Variants in ZNF813 observed in about 807,000 individuals in gnomAD.
The protein encoded by ZNF813 is zinc finger protein 813.
ZNF813 carries 3 observed loss-of-function variants against 7.2 expected under a neutral mutation model. The ratio of observed to expected loss-of-function variants is 0.42; its 90% confidence interval spans 0.19 to 1.08. The LOEUF (loss-of-function observed/expected upper bound fraction) is 1.08. Ranked by LOEUF, ZNF813 falls within the 50% of genes least tolerant of loss-of-function variation. The pLI, the probability that ZNF813 is intolerant of heterozygous loss-of-function variation, is 0.30. For missense variants in ZNF813, 714 were observed against 753.3 expected (o/e 0.95, Z 0.61); for synonymous variants, 227 against 256.3 (o/e 0.89, Z 1.09).
At chr19:53,476,932 G>A (rs556304122) in intron 1 of ZNF813, among the ~76,000 whole-genome samples, 10 of 152,148 alleles carry the variant, frequency 6.6e-5, no homozygotes, top group Non-Finnish European at 1.5e-4. Context: ...AAAGTGCTGG[G>A]ATTACAGGCA....
rs1440871017 is a variant in ZNF813 at position 53,490,853 on chromosome 19, G to A, written c.621G>A (p.Glu207=). 1 of 1,614,150 alleles carries A rather than the reference G, an allele frequency of 6.2e-7. No homozygotes were observed. Among genetic ancestry groups the A allele is most frequent in the South Asian group, 1.1e-5 (1 of 91,082 alleles). The part of the protein sequence containing the change: ...RNSSLLTQKQ[E]VHMREKSFQC... ...CTTCGTTACTCACACAAAAACAGGA[G>A]GTACACATGAGAGAAAAGTCTTTCC... The change falls in exon 4 of 4, where the codon GAG becomes GAA. Residue 207 remains glutamate (E), a synonymous_variant. Coordinates refer to ENST00000396403, the MANE Select transcript of ZNF813 (RefSeq NM_001004301.4).
chr19:53,490,130 C>T (rs1268363922), intron 3 of ZNF813, among the ~76,000 whole-genome samples: 4 of 152,140 alleles, frequency 2.6e-5, no homozygotes, highest in Non-Finnish European at 5.9e-5. Flanking sequence ...TTACTTTAGG[C>T]TTATACACAT....
intron 2 of ZNF813, 133 bp from the exon 3 acceptor site, chr19:53,486,499 G>C: frequency 6.5e-7 from 1 of 1,540,538 alleles, no homozygotes; most frequent in Non-Finnish European, 8.8e-7. Context: ...ATGTGGTGAA[G>C]AACCCCTTAC....
chr19:53,471,919 A>G (rs1483646342), intron 1 of ZNF813, among the ~76,000 whole-genome samples: 1 of 152,012 alleles, frequency 6.6e-6, no homozygotes, highest in African/African-American at 2.4e-5. Context: ...TTGGTCTCCT[A>G]TGTTAGTCCT....
rs746837500 is a variant in ZNF813 at position 53,483,775 on chromosome 19, T to C, written c.-48T>C. The C allele has an allele frequency of 1.2e-5, 19 of 1,612,152 alleles. No individual in the cohort carries two copies. In the East Asian group the frequency reaches 1.8e-4, roughly 15 times the overall value. On this transcript the variant is annotated 5_prime_UTR_variant, in exon 2 of 4. The change abolishes an upstream ATG in the 5' untranslated region. Coordinates refer to ENST00000396403, the MANE Select transcript of ZNF813 (RefSeq NM_001004301.4). ...GATTGACTTCTAAAGACTCTTGGTA[T>C]GTGAGGAAGAAACCTGGAAGAGGAA...
chr19:53,484,981 C>T (rs963399524), intron 2 of ZNF813, among the ~76,000 whole-genome samples: 2 of 152,216 alleles, frequency 1.3e-5, no homozygotes, highest in African/African-American at 4.8e-5. Context: ...TATAAAGCAT[C>T]TCCTTTCCCT....
intron 1 of ZNF813, among the ~76,000 whole-genome samples, chr19:53,469,151 C>T (rs1270815739): frequency 6.6e-6 from 1 of 152,204 alleles, no homozygotes; most frequent in East Asian, 1.9e-4. Context: ...ATCCATTAAA[C>T]CTTGATTCAA....
At chr19:53,480,983 AT>A (rs1568830041) in intron 1 of ZNF813, among the ~76,000 whole-genome samples, 4 of 152,186 alleles carry the variant, frequency 2.6e-5, no homozygotes, top group Non-Finnish European at 5.9e-5. Context: ...AGCCCACACT[AT>A]TTATTGGTGA....
chr19:53,485,492 TG>T (rs1464840760), intron 2 of ZNF813, among the ~76,000 whole-genome samples: 7 of 152,212 alleles, frequency 4.6e-5, no homozygotes, highest in Non-Finnish European at 1.0e-4. Context: ...GACAACCCTT[TG>T]TATTAACATC....
chr19:53,469,642 AGG>A (rs1422870674), intron 1 of ZNF813, among the ~76,000 whole-genome samples: 27 of 152,034 alleles, frequency 1.8e-4, no homozygotes, highest in Non-Finnish European at 4.4e-5. Flanking sequence ...ACAGCAAGGT[AGG>A]GAGAGGGGCA....
At chr19:53,470,850 T>C (rs2086355197) in intron 1 of ZNF813, among the ~76,000 whole-genome samples, 1 of 152,052 alleles carries the variant, frequency 6.6e-6, no homozygotes, top group Admixed American at 6.6e-5. Flanking sequence ...CGAAAGCTAA[T>C]CTATTTTGGT....
At chr19:53,476,040 G>C (rs2086380292) in intron 1 of ZNF813, among the ~76,000 whole-genome samples, 1 of 152,080 alleles carries the variant, frequency 6.6e-6, no homozygotes. Flanking sequence ...TTTGACGTTG[G>C]GTGGCCGGGG....
chr19:53,483,736 T>G lies in ZNF813; in HGVS notation c.-73-14T>G, dbSNP rs2086420193. On this transcript the variant is annotated splice_polypyrimidine_tract_variant and intron_variant, in intron 1 of 3. Transcript: ENST00000396403. The stretch of plus-strand genomic sequence containing the variant: ...TTGATTCTGAGCAATAAACAACATA[T>G]TTCTAACATTCAGGATTGACTTCTA... 6.2e-7 allele frequency: 1 copy of G among 1,603,596 alleles called. No homozygotes were observed. Among genetic ancestry groups the G allele is most frequent in the African/African-American group, 1.3e-5 (1 of 74,784 alleles).
chr19:53,486,465 A>G (rs558141492), intron 2 of ZNF813, among the ~76,000 whole-genome samples, 167 bp from the exon 3 acceptor site: 1 of 151,504 alleles, frequency 6.6e-6, no homozygotes, highest in East Asian at 1.9e-4. Context: ...AAAAAGCATA[A>G]TAAAACACAG....
chr19:53,468,009 G>A (rs2086335797), intron 1 of ZNF813, among the ~76,000 whole-genome samples: 1 of 152,232 alleles, frequency 6.6e-6, no homozygotes, highest in Admixed American at 6.5e-5. Context: ...ATAGGGCAAT[G>A]TATACACTTT....
chr19:53,472,271 G>C (rs2147154167), intron 1 of ZNF813, among the ~76,000 whole-genome samples: 1 of 152,224 alleles, frequency 6.6e-6, no homozygotes, highest in South Asian at 2.1e-4. Context: ...TTGTGTGCTG[G>C]GGTGCCACGA....
In ZNF813 at chr19:53,495,061, A is replaced by G. The variant is rs1231564628; in HGVS notation, c.*2975A>G. ...ACTTCTTGTAAAGTTTGGGTAGAGG[A>G]ATAATGAAATCATTGATGCTTTATG... On this transcript the variant is annotated 3_prime_UTR_variant, in exon 4 of 4. Transcript: ENST00000396403. The G allele has an allele frequency of 6.6e-6, 1 of 152,186 alleles. No individual in the cohort carries two copies. The highest frequency in any genetic ancestry group is 1.5e-5 in the Non-Finnish European group (1 of 68,048). The allele number at this position is 152,186 out of a possible 1,614,324, so 9.4% of individuals were successfully genotyped here.
intron 1 of ZNF813, among the ~76,000 whole-genome samples, chr19:53,468,975 G>T (rs527369500): frequency 5.8e-5 from 7 of 120,838 alleles, no homozygotes; most frequent in Non-Finnish European, 9.2e-5. Flanking sequence ...CTGTCTCAGT[G>T]GGGGGAAACT....
intron 1 of ZNF813, among the ~76,000 whole-genome samples, chr19:53,482,712 GTTT>G (rs869250512): frequency 7.0e-3 from 626 of 88,912 alleles, no homozygotes; most frequent in African/African-American, 0.027. Context: ...AATGCTTTTT[GTTT>G]TTTTTTTTTT....
Sources: gnomAD v4.1 joint callset for allele counts (sites outside exome capture counted in the v4.1 genomes callset) on GRCh38, gnomAD v4.1.1 for gene constraint, MANE v1.5 for transcripts, NCBI Gene and HGNC (gene_info 2026-07-23, HGNC 2026-07-21) for gene names.